SERPINB7: variants seen among roughly 807,000 people sequenced by gnomAD.
SERPINB7 encodes the protein serpin family B member 7.
A neutral mutation model predicts 37.4 loss-of-function variants in SERPINB7; 31 were observed. That is an observed-to-expected ratio of 0.83 (90% CI 0.62 to 1.12). SERPINB7 has a LOEUF of 1.12. SERPINB7 is among the 50% of genes most tolerant of loss of function. SERPINB7 has a pLI of 0.00. For missense variants in SERPINB7, 521 were observed against 455.3 expected, an observed-to-expected ratio of 1.14 and a Z score of -1.31; for synonymous variants, 163 against 166.1, an observed-to-expected ratio of 0.98 and a Z score of 0.14.
At chr18:63,795,348 G>A (rs181036303) in intron 4 of SERPINB7, among the ~76,000 whole-genome samples, 1 of 152,178 alleles carries the variant, frequency 6.6e-6, no homozygotes, top group Non-Finnish European at 1.5e-5. Flanking sequence ...ATCACCTGAG[G>A]TCAGGAGTTT....
chr18:63,775,891 T>C (rs912462282), intron 1 of SERPINB7, among the ~76,000 whole-genome samples, 175 bp downstream of exon 1: 5 of 152,144 alleles, frequency 3.3e-5, no homozygotes, highest in African/African-American at 1.2e-4. Flanking sequence ...GATGCTTTTC[T>C]GGTGGGGCAG....
chr18:63,779,011 T>C (rs2049277255), intron 1 of SERPINB7, among the ~76,000 whole-genome samples: 1 of 152,208 alleles, frequency 6.6e-6, no homozygotes, highest in Non-Finnish European at 1.5e-5. Flanking sequence ...CAAGTTCTTT[T>C]ATGATTTGAA....
intron 1 of SERPINB7, among the ~76,000 whole-genome samples, chr18:63,769,974 T>A (rs372342589): frequency 6.6e-6 from 1 of 150,582 alleles, no homozygotes; most frequent in African/African-American, 2.4e-5. Flanking sequence ...GCACACAGTG[T>A]GAGTGGAAGG....
chr18:63,804,775 G>C lies in SERPINB7; in HGVS notation c.*140G>C, dbSNP rs896066133. Reference sequence around the variant, plus strand: ...TAACATTGGTCAGCAGATGACACTGGTGACTTGACCCTTCCTAGACACCTG... The same window carrying C: ...TAACATTGGTCAGCAGATGACACTGCTGACTTGACCCTTCCTAGACACCTG... On this transcript the variant is annotated 3_prime_UTR_variant, in exon 8 of 8. Coordinates refer to ENST00000398019, the MANE Select transcript of SERPINB7 (RefSeq NM_003784.4). 1.2e-6 allele frequency: 1 copy of C among 830,816 alleles called. No homozygotes were observed. The highest frequency in any genetic ancestry group is 1.8e-5 in the South Asian group (1 of 55,430). The allele number at this position is 830,816 out of a possible 1,614,324, so 51.5% of individuals were successfully genotyped here.
intron 7 of SERPINB7, among the ~76,000 whole-genome samples, chr18:63,802,491 C>T (rs926638034): frequency 3.9e-5 from 6 of 152,058 alleles, no homozygotes; most frequent in African/African-American, 1.5e-4. Flanking sequence ...TTTATATTAC[C>T]TTGTTTGATG....
At chr18:63,778,692 T>G (rs2049273734) in intron 1 of SERPINB7, among the ~76,000 whole-genome samples, 1 of 152,170 alleles carries the variant, frequency 6.6e-6, no homozygotes, top group Non-Finnish European at 1.5e-5. Context: ...AAAGAAGGTT[T>G]AGTGAGAAAA....
At chr18:63,798,360 C>G (rs991161524) in intron 5 of SERPINB7, among the ~76,000 whole-genome samples, 1 of 152,004 alleles carries the variant, frequency 6.6e-6, no homozygotes, top group African/African-American at 2.4e-5. Context: ...TTAGCTTCCT[C>G]AACAGGAAAT....
At chr18:63,768,440 A>G (rs1383143181) in intron 1 of SERPINB7, among the ~76,000 whole-genome samples, 2 of 152,018 alleles carry the variant, frequency 1.3e-5, no homozygotes, top group Admixed American at 6.6e-5. Flanking sequence ...CCTGTGAGAA[A>G]CACCTTTATT....
At chr18:63,776,041 T>C (rs762127127) in intron 1 of SERPINB7, among the ~76,000 whole-genome samples, 16 of 152,104 alleles carry the variant, frequency 1.1e-4, no homozygotes, top group Non-Finnish European at 2.1e-4. Context: ...GATGCCTGTG[T>C]ATCCTTGGCT....
chr18:63,798,795 T>C lies in SERPINB7; in HGVS notation c.597+49T>C. 1.9e-6 allele frequency: 3 copies of C among 1,578,494 alleles called. No homozygotes were observed. In the South Asian group the frequency reaches 3.4e-5, roughly 18 times the overall value. ...ATTTAGAACTTTTCCACAATCGTAT[T>C]CCTTTGCAGGACTGTGATAGTTACA... On this transcript the variant is annotated intron_variant, in intron 6 of 7. Coordinates refer to ENST00000398019, the MANE Select transcript of SERPINB7 (RefSeq NM_003784.4).
intron 2 of SERPINB7, among the ~76,000 whole-genome samples, chr18:63,792,060 C>T (rs540521403): frequency 3.3e-5 from 5 of 152,240 alleles, no homozygotes; most frequent in East Asian, 1.9e-4. Flanking sequence ...CATTAATATC[C>T]GTGTGTGGAC....
chr18:63,799,214 T>C (rs915939245), intron 6 of SERPINB7, among the ~76,000 whole-genome samples: 1 of 152,248 alleles, frequency 6.6e-6, no homozygotes, highest in Non-Finnish European at 1.5e-5. Flanking sequence ...ACAAGCCATA[T>C]GTATTTCTTC....
At chr18:63,796,196 C>A (rs528439187) in intron 4 of SERPINB7, 70 bp from the exon 5 acceptor site, 21 of 905,950 alleles carry the variant, frequency 2.3e-5, no homozygotes, top group Admixed American at 4.3e-5. Context: ...ATTAAAAGTT[C>A]AAAAATACAT....
chr18:63,753,278 C>G (rs1419814910), intron 1 of SERPINB7, among the ~76,000 whole-genome samples: 2 of 152,202 alleles, frequency 1.3e-5, no homozygotes, highest in Non-Finnish European at 2.9e-5. Flanking sequence ...CTGGCAGACA[C>G]ATACCCCTTT....
At chr18:63,756,413 A>T (rs1364307497) in intron 1 of SERPINB7, among the ~76,000 whole-genome samples, 1 of 152,202 alleles carries the variant, frequency 6.6e-6, no homozygotes, top group Non-Finnish European at 1.5e-5. Context: ...TCCATGGAAC[A>T]CGGAATACCA....
At chr18:63,789,545 C>T (rs958290804) in intron 2 of SERPINB7, among the ~76,000 whole-genome samples, 10 of 152,158 alleles carry the variant, frequency 6.6e-5, no homozygotes, top group Non-Finnish European at 1.5e-4. Flanking sequence ...TTCGCCACTG[C>T]TCACCAATGA....
intron 1 of SERPINB7, among the ~76,000 whole-genome samples, chr18:63,781,894 CA>C (rs2049304188): frequency 6.6e-6 from 1 of 152,046 alleles, no homozygotes; most frequent in Non-Finnish European, 1.5e-5. Context: ...TAAGAATTTA[CA>C]GAGGCCTTAA....
chr18:63,755,697 A>G (rs2049117993), intron 1 of SERPINB7, among the ~76,000 whole-genome samples: 1 of 152,068 alleles, frequency 6.6e-6, no homozygotes, highest in Non-Finnish European at 1.5e-5. Context: ...ATTGGAGACA[A>G]GCCTGGACAA....
At chr18:63,785,026 T>C (rs1042565862) in intron 2 of SERPINB7, among the ~76,000 whole-genome samples, 17 of 152,200 alleles carry the variant, frequency 1.1e-4, no homozygotes, top group African/African-American at 3.9e-4. Flanking sequence ...CTCTGTACTC[T>C]TTACTGCCTC....
Sources: allele counts gnomAD v4.1 joint callset (sites outside exome capture counted in the v4.1 genomes callset), GRCh38; gene constraint gnomAD v4.1.1; transcripts MANE v1.5; gene names NCBI Gene and HGNC (gene_info 2026-07-23, HGNC 2026-07-21).